Variants in DLGAP1 observed in about 807,000 individuals in gnomAD.
DLGAP1 encodes disks large-associated protein 1.
In DLGAP1, 11 loss-of-function variants were observed where a neutral mutation model predicts 90.8. The observed-to-expected ratio is 0.12, with a 90% CI of 0.08 to 0.20. DLGAP1 has a LOEUF of 0.20. Among genes scored for constraint, DLGAP1 ranks in the 10% least tolerant of loss-of-function variants. DLGAP1 has a pLI of 1.00. For synonymous variants in DLGAP1, 558 were observed against 540.7 expected (o/e 1.03, Z -0.44); for missense variants, 1,050 against 1,333.8 (o/e 0.79, Z 3.31).
At chr18:4,274,803 C>T (rs943730322) in intron 1 of DLGAP1, among the ~76,000 whole-genome samples, 2 of 152,124 alleles carry the variant, frequency 1.3e-5, no homozygotes, top group African/African-American at 4.8e-5. Context: ...AATGAACACA[C>T]TAAACCATTT....
chr18:4,386,043 T>C (rs2082223674), intron 1 of DLGAP1, among the ~76,000 whole-genome samples: 1 of 152,162 alleles, frequency 6.6e-6, no homozygotes. Context: ...GTGGGCTAAA[T>C]GAAGTGTCAC....
intron 1 of DLGAP1, among the ~76,000 whole-genome samples, chr18:4,244,486 G>A (rs917174174): frequency 2.0e-5 from 3 of 152,122 alleles, no homozygotes; most frequent in Middle Eastern, 3.4e-3. Flanking sequence ...AAATTCATGC[G>A]GTATATCTTT....
chr18:3,753,178 A>T (rs1318171146), intron 5 of DLGAP1, among the ~76,000 whole-genome samples: 1 of 152,142 alleles, frequency 6.6e-6, no homozygotes, highest in Non-Finnish European at 1.5e-5. Flanking sequence ...GAACGAACAA[A>T]CTCATTTATC....
intron 7 of DLGAP1, among the ~76,000 whole-genome samples, chr18:3,722,875 T>G (rs1015439091): frequency 1.3e-5 from 2 of 152,188 alleles, no homozygotes; most frequent in African/African-American, 4.8e-5. Context: ...ATTTTATACA[T>G]GAAGAAACTG....
At chr18:3,846,649 T>C (rs1175320607) in intron 4 of DLGAP1, among the ~76,000 whole-genome samples, 1 of 152,188 alleles carries the variant, frequency 6.6e-6, no homozygotes, top group Non-Finnish European at 1.5e-5. Flanking sequence ...TGCTATAACA[T>C]GGATAAATCT....
At chr18:4,309,664 G>A (rs903345656) in intron 1 of DLGAP1, among the ~76,000 whole-genome samples, 1 of 152,074 alleles carries the variant, frequency 6.6e-6, no homozygotes, top group African/African-American at 2.4e-5. Context: ...AGCCAAGGAA[G>A]CAACATGATG....
intron 4 of DLGAP1, among the ~76,000 whole-genome samples, chr18:3,815,162 T>G (rs780373818): frequency 5.9e-5 from 9 of 152,226 alleles, no homozygotes; most frequent in Non-Finnish European, 1.0e-4. Flanking sequence ...TCGGGAATGT[T>G]TACTGATTGA....
intron 3 of DLGAP1, among the ~76,000 whole-genome samples, chr18:3,891,198 C>T (rs1232123157): frequency 1.3e-5 from 2 of 152,164 alleles, no homozygotes; most frequent in South Asian, 2.1e-4. Flanking sequence ...CAGCTCTGCC[C>T]TCTTCTCCCA....
chr18:4,150,394 C>G (rs559143459), intron 2 of DLGAP1, among the ~76,000 whole-genome samples: 152 of 151,972 alleles, frequency 1.0e-3, no homozygotes, highest in African/African-American at 3.3e-3. Flanking sequence ...CTTTTGTTTT[C>G]TTTTCTTTTT....
chr18:4,427,475 C>T (rs773207254), intron 1 of DLGAP1, among the ~76,000 whole-genome samples: 12 of 152,122 alleles, frequency 7.9e-5, no homozygotes, highest in African/African-American at 2.4e-4. Context: ...CCTAATGCAA[C>T]GAAGGAACCT....
chr18:3,676,644 G>A (rs1675256), intron 7 of DLGAP1, among the ~76,000 whole-genome samples: 94,592 of 151,550 alleles, frequency 0.62, 31,442 homozygotes, highest in African/African-American at 0.86. Flanking sequence ...TTTTTCCTTG[G>A]TAATACCATT....
At chr18:4,154,008 C>T (rs951723035) in intron 1 of DLGAP1, among the ~76,000 whole-genome samples, 4 of 152,166 alleles carry the variant, frequency 2.6e-5, no homozygotes, top group Non-Finnish European at 5.9e-5. Flanking sequence ...TCTCTCAACT[C>T]ATCTGCCTCC....
At chr18:3,857,617 C>T (rs2069730706) in intron 4 of DLGAP1, among the ~76,000 whole-genome samples, 1 of 152,156 alleles carries the variant, frequency 6.6e-6, no homozygotes, top group Non-Finnish European at 1.5e-5. Context: ...TTGAAATCCT[C>T]TTCGTCTCCC....
At chr18:3,682,336 A>G (rs2060550764) in intron 7 of DLGAP1, among the ~76,000 whole-genome samples, 1 of 152,108 alleles carries the variant, frequency 6.6e-6, no homozygotes, top group South Asian at 2.1e-4. Context: ...CTTCCTGTTC[A>G]GCCTGCAGAA....
At chr18:4,053,921 C>A (rs944493814) in intron 2 of DLGAP1, among the ~76,000 whole-genome samples, 1 of 152,060 alleles carries the variant, frequency 6.6e-6, no homozygotes. Flanking sequence ...TGCAGATAAA[C>A]CTTAACAGTT....
chr18:4,030,130 TC>T (rs2074771832), intron 2 of DLGAP1, among the ~76,000 whole-genome samples: 1 of 152,158 alleles, frequency 6.6e-6, no homozygotes, highest in African/African-American at 2.4e-5. Flanking sequence ...ATAGCTGATC[TC>T]ACAGGCATGT....
intron 7 of DLGAP1, among the ~76,000 whole-genome samples, chr18:3,627,491 C>G (rs892932015): frequency 2.6e-5 from 4 of 151,364 alleles, no homozygotes; most frequent in Non-Finnish European, 5.9e-5. Context: ...TCCTGTCCTT[C>G]TCCCACACGC....
At position 3,940,992 on chromosome 18, in the gene DLGAP1, T is replaced by C. The variant is rs150468207; in HGVS notation, c.-72-60852A>G. On this transcript the variant is annotated intron_variant, in intron 3 of 12. Coordinates refer to ENST00000315677, the MANE Select transcript of DLGAP1 (RefSeq NM_004746.4). ...GCATATGAAAGATCCTGTTGGTCTA[T>C]TGAGCAGCTCGGTGGGAGAAGTGAA... is the stretch of plus-strand genomic sequence containing the variant. Among the ~76,000 whole-genome samples the C allele has an allele frequency of 3.5e-3, 540 of 152,278 alleles. 9 individuals are homozygous for C. Among genetic ancestry groups the C allele is most frequent in the East Asian group, 0.011 (55 of 5,178 alleles).
At chr18:3,853,460 T>C (rs555839582) in intron 4 of DLGAP1, among the ~76,000 whole-genome samples, 52 of 152,126 alleles carry the variant, frequency 3.4e-4, no homozygotes, top group Non-Finnish European at 5.6e-4. Context: ...ATCATTGTGT[T>C]ATAATTGCCT....
Sources: allele counts gnomAD v4.1 joint callset (sites outside exome capture counted in the v4.1 genomes callset), GRCh38; gene constraint gnomAD v4.1.1; transcripts MANE v1.5; gene names NCBI Gene and HGNC (gene_info 2026-07-23, HGNC 2026-07-21).